Variants in AMER1 observed in about 807,000 individuals in gnomAD.
AMER1 encodes RP11-403E24.2.
A neutral mutation model predicts 53.0 loss-of-function variants in AMER1; 16 were observed. The ratio of observed to expected loss-of-function variants is 0.30; its 90% CI spans 0.20 to 0.46. The LOEUF is 0.46. Ranked by LOEUF, AMER1 falls within the 20% of genes least tolerant of loss-of-function variation. AMER1 has a pLI of 1.00. For missense variants in AMER1, 947 were observed against 884.9 expected, an observed-to-expected ratio of 1.07 and a Z score of -0.89; for synonymous variants, 354 against 331.9, an observed-to-expected ratio of 1.07 and a Z score of -0.73.
Position 64,186,880 on chromosome X carries a change from C to T in AMER1, c.*2999G>A. On this transcript the variant is annotated 3_prime_UTR_variant, in exon 2 of 2. Coordinates refer to ENST00000374869, the MANE Select transcript of AMER1 (RefSeq NM_152424.4). ...TCACTGGTCCTCCAAGGACCAGTCT[C>T]ATCTGGGAATTCTCAGGATCACAGC... is the stretch of plus-strand genomic sequence containing the variant. 1.3e-6 allele frequency: 1 copy of T among 773,402 alleles called. No individual in the cohort carries two copies. Among genetic ancestry groups the T allele is most frequent in the South Asian group, 6.7e-5 (1 of 15,018 alleles). The allele number at this position is 773,402 out of a possible 1,213,427, so 63.7% of individuals were successfully genotyped here.
Position 64,189,860 on chromosome X carries a change from A to T in AMER1, c.*19T>A, listed in dbSNP as rs200923986. On this transcript the variant is annotated 3_prime_UTR_variant, in exon 2 of 2. Coordinates refer to ENST00000374869, the MANE Select transcript of AMER1 (RefSeq NM_152424.4). The stretch of plus-strand genomic sequence containing the variant: ...TCACATGCTCAGGCCCCGTGTCCCT[A>T]CTCCAGAATTGATAATAACTACTTG... 1 of 1,011,808 alleles carries T rather than the reference A, an allele frequency of 9.9e-7. No individual in the cohort carries two copies. The highest frequency in any genetic ancestry group is 1.3e-6 in the Non-Finnish European group (1 of 781,772). 83.4% of individuals were successfully genotyped at this position (1,011,808 alleles called of 1,213,427 possible).
intron 1 of AMER1, among the ~76,000 whole-genome samples, chrX:64,196,783 T>C (rs1000884700): frequency 9.0e-6 from 1 of 111,463 alleles, no homozygotes; most frequent in Non-Finnish European, 1.9e-5. Flanking sequence ...ATACCAGCCT[T>C]AAACTGGTAC....
Position 64,193,462 on chromosome X carries a change from G to A in AMER1, c.-98-78C>T, listed in dbSNP as rs900990812. 3 of 654,389 alleles carry A rather than the reference G, an allele frequency of 4.6e-6. No individual in the cohort carries two copies. The African/African-American group carries it at 6.6e-5, about 14-fold the overall frequency. 53.9% of individuals were successfully genotyped at this position (654,389 alleles called of 1,213,427 possible). On this transcript the variant is annotated intron_variant, in intron 1 of 1. Coordinates refer to ENST00000374869, the MANE Select transcript of AMER1 (RefSeq NM_152424.4). ...ATCCAGGCTGGGTTTGCTTTCACCG[G>A]ACGTCAGGCTTGAGTGGAACAAGAA... is the stretch of plus-strand genomic sequence containing the variant.
chrX:64,204,119 G>T (rs1451868722), intron 1 of AMER1, among the ~76,000 whole-genome samples: 5 of 112,637 alleles, frequency 4.4e-5, no homozygotes. Flanking sequence ...AGAGCCCACT[G>T]CCAGAGGTGC....
chrX:64,197,215 G>C (rs1052461202), intron 1 of AMER1, among the ~76,000 whole-genome samples: 2 of 112,624 alleles, frequency 1.8e-5, no homozygotes, highest in Non-Finnish European at 3.8e-5. Context: ...GTGGGCTGGG[G>C]GTTAAGAGAA....
chrX:64,190,905 T>A lies in AMER1; in HGVS notation c.2382A>T (p.Ser794=), dbSNP rs1452471089. The A allele has an allele frequency of 8.3e-7, 1 of 1,211,416 alleles. No homozygotes were observed. The highest frequency in any genetic ancestry group is 3.0e-5 in the East Asian group (1 of 33,809). ...GCTCAGGGAGGTTTTGAGTGAAAGA[T>A]GAGTCAGAGTCAGAGCTGCAGGACA... The part of the protein sequence containing the change: ...SSMSCSSDSD[S]SFTQNLPELP... The change falls in exon 2 of 2, where the codon TCA becomes TCT. Residue 794 remains serine (S), a synonymous_variant. Transcript: ENST00000374869.
In AMER1 at chrX:64,201,753, C is replaced by T. The variant is rs781204966; in HGVS notation, c.-99+3817G>A. ...CCCTTCTCCCTCTTGGTTCTACCTG[C>T]CAGGCTTGCTACTGTTTCCTAGTGG... On this transcript the variant is annotated intron_variant, in intron 1 of 1. Transcript: ENST00000374869. Among the ~76,000 whole-genome samples the T allele has an allele frequency of 2.0e-4, 23 of 112,392 alleles. 1 individual carries two copies. In the South Asian group the frequency reaches 8.5e-3, roughly 41 times the overall value.
intron 1 of AMER1, among the ~76,000 whole-genome samples, chrX:64,197,870 T>C (rs1382988649): frequency 2.7e-5 from 3 of 112,824 alleles, no homozygotes; most frequent in African/African-American, 9.7e-5. Context: ...CTTAAGGCTA[T>C]TGTAAGAAGT....
rs781703972 is a variant in AMER1 at position 64,188,233 on chromosome X, C to T, written c.*1646G>A. On this transcript the variant is annotated 3_prime_UTR_variant, in exon 2 of 2. Transcript: ENST00000374869. Reference sequence around the variant, plus strand: ...GCATGGAGATGGTGGGATGTGAGGGCGAGGGTGCAATAATCATAATTTGAG... The same window carrying T: ...GCATGGAGATGGTGGGATGTGAGGGTGAGGGTGCAATAATCATAATTTGAG... 9 of 801,721 alleles carry T rather than the reference C, an allele frequency of 1.1e-5. No individual in the cohort carries two copies. Among genetic ancestry groups the T allele is most frequent in the East Asian group, 7.2e-5 (1 of 13,906 alleles). The allele number at this position is 801,721 out of a possible 1,213,427, so 66.1% of individuals were successfully genotyped here. A position where few individuals can be genotyped will look rare whatever the true frequency, so the allele number is the denominator to read the frequency against.
chrX:64,195,369 T>C (rs1335408291), intron 1 of AMER1, among the ~76,000 whole-genome samples: 5 of 112,124 alleles, frequency 4.5e-5, no homozygotes, highest in African/African-American at 1.6e-4. Flanking sequence ...TGAAATTCTA[T>C]TCCCCTCTGG....
chrX:64,193,181 C>T lies in AMER1; in HGVS notation c.106G>A (p.Ala36Thr), dbSNP rs1411693889. The T allele has an allele frequency of 8.3e-7, 1 of 1,210,209 alleles. No individual in the cohort carries two copies. The highest frequency in any genetic ancestry group is 1.7e-5 in the African/African-American group (1 of 57,228). The stretch of plus-strand genomic sequence containing the variant: ...GGCTCTGAGGTTGGTCCTTCTGTCG[C>T]CTCAGCTGCCTTGTTCTTGGCTCCT... ...EKGAKNKAAE[A>T]TEGPTSEPSS... The change falls in exon 2 of 2, where the codon GCG (alanine) becomes ACG (threonine). Residue 36 changes from alanine (A) to threonine (T), a missense_variant. Ala to Thr is a moderately conservative substitution (Grantham distance 58). Coordinates refer to ENST00000374869, the MANE Select transcript of AMER1 (RefSeq NM_152424.4).
rs912491542 is a variant in AMER1 at position 64,191,028 on chromosome X, A to T, written c.2259T>A (p.Asp753Glu). ...CCTTCTCAACCTCCTCTTCCTCTGGATCTTCAGGGGGTGAATAAGTAGGGT... is the reference window on the plus strand; with the variant it reads ...CCTTCTCAACCTCCTCTTCCTCTGGTTCTTCAGGGGGTGAATAAGTAGGGT... ...RAYPTYSPPE[D>E]PEEEEVEKEG... Residue 753 changes from aspartate to glutamate, a missense_variant, in exon 2 of 2, where the codon GAT (aspartate) becomes GAA (glutamate). Transcript: ENST00000374869. 1.7e-6 allele frequency: 2 copies of T among 1,211,794 alleles called. No individual in the cohort carries two copies. Among genetic ancestry groups the T allele is most frequent in the Non-Finnish European group, 2.2e-6 (2 of 895,524 alleles).
rs34504794 is a variant in AMER1, at chrX:64,193,152, G to A, written c.135C>T (p.Ser45=). The change falls in exon 2 of 2, where the codon TCC becomes TCT. Residue 45 remains serine (S), a synonymous_variant. Coordinates refer to ENST00000374869, the MANE Select transcript of AMER1 (RefSeq NM_152424.4). ...EATEGPTSEP[S]SSGPGRLKKT... ...TCTTCAGCCTACCTGGGCCGGATGA[G>A]GATGGCTCTGAGGTTGGTCCTTCTG... 11,285 of 1,210,363 alleles carry A rather than the reference G, an allele frequency of 9.3e-3. 96 individuals carry two copies. The highest frequency in any genetic ancestry group is 0.091 in the Middle Eastern group (395 of 4,342).
intron 1 of AMER1, among the ~76,000 whole-genome samples, chrX:64,196,542 G>A (rs941686249): frequency 2.7e-5 from 3 of 112,008 alleles, no homozygotes; most frequent in Non-Finnish European, 5.6e-5. Context: ...CATTCACTGT[G>A]GGAAGCTCAG....
At chrX:64,196,206 C>A (rs1437800148) in intron 1 of AMER1, among the ~76,000 whole-genome samples, 1 of 111,591 alleles carries the variant, frequency 9.0e-6, no homozygotes, top group African/African-American at 3.3e-5. Flanking sequence ...GAGCCATGGA[C>A]CACAGGGCTG....
chrX:64,199,032 T>C (rs1930434165), intron 1 of AMER1, among the ~76,000 whole-genome samples: 1 of 112,579 alleles, frequency 8.9e-6, no homozygotes, highest in Non-Finnish European at 1.9e-5. Flanking sequence ...GCTGCTTGGC[T>C]TGGTTGGCTG....
At position 64,191,749 on chromosome X, in the gene AMER1, T is replaced by C. The variant is rs1314383467; in HGVS notation, c.1538A>G (p.Asp513Gly). The change falls in exon 2 of 2, where the codon GAC (aspartate) becomes GGC (glycine). Residue 513 changes from aspartate (D) to glycine (G), a missense_variant. By Grantham distance (94) the Asp-to-Gly change is moderately conservative (BLOSUM62 -1). Coordinates refer to ENST00000374869, the MANE Select transcript of AMER1 (RefSeq NM_152424.4). The stretch of plus-strand genomic sequence containing the variant: ...TCCAGGTGGAGAGTTCTCAAGGCTG[T>C]CATCTGGCTCATAGAACTCATATAG... ...DALYEFYEPD[D>G]SLENSPPGDD... 1 of 1,211,323 alleles carries C rather than the reference T, an allele frequency of 8.3e-7. No homozygotes were observed. The highest frequency in any genetic ancestry group is 3.0e-5 in the East Asian group (1 of 33,814).
Position 64,189,398 on chromosome X carries a change from G to A in AMER1, c.*481C>T, listed in dbSNP as rs1412128084. On this transcript the variant is annotated 3_prime_UTR_variant, in exon 2 of 2. Transcript: ENST00000374869. ...GGTTCATCATTCATTGGGGGAAAGG[G>A]GCAGGGGGCACTAAAGGTTTAGCCT... 2.6e-6 allele frequency: 2 copies of A among 780,051 alleles called. No individual in the cohort carries two copies. The highest frequency in any genetic ancestry group is 3.1e-6 in the Non-Finnish European group (2 of 655,660). 64.3% of individuals were successfully genotyped at this position (780,051 alleles called of 1,213,427 possible). A position where few individuals can be genotyped will look rare whatever the true frequency, so the allele number is the denominator to read the frequency against.
Position 64,191,455 on chromosome X carries a change from C to T in AMER1, c.1832G>A (p.Arg611Lys), listed in dbSNP as rs1273547541. The change falls in exon 2 of 2, where the codon AGG (arginine) becomes AAG (lysine). Residue 611 changes from arginine to lysine, a missense_variant. By Grantham distance (26) the Arg-to-Lys change is conservative. Transcript: ENST00000374869. ...REAYGREAYA[R>K]EAHTWEAHGR... ...ATGAGCTTCCCAAGTGTGGGCCTCCCTGGCATAGGCTTCCCTGCCATAAGC... is the reference window on the plus strand; with the variant it reads ...ATGAGCTTCCCAAGTGTGGGCCTCCTTGGCATAGGCTTCCCTGCCATAAGC... 2 of 1,212,022 alleles carry T rather than the reference C, an allele frequency of 1.7e-6. No individual in the cohort carries two copies. The highest frequency in any genetic ancestry group is 3.0e-5 in the East Asian group (1 of 33,803).
Sources: allele counts gnomAD v4.1 joint callset (sites outside exome capture counted in the v4.1 genomes callset), GRCh38; gene constraint gnomAD v4.1.1; transcripts MANE v1.5; gene names NCBI Gene and HGNC (gene_info 2026-07-23, HGNC 2026-07-21).